HUNK: variants seen among roughly 807,000 people sequenced by gnomAD.
HUNK encodes the protein hormonally up-regulated neu tumor-associated kinase.
In HUNK, 21 loss-of-function variants were observed where a neutral mutation model predicts 61.0. The ratio of observed to expected loss-of-function variants is 0.34; its 90% CI spans 0.24 to 0.50. The LOEUF (loss-of-function observed/expected upper bound fraction) is 0.50. HUNK is among the 20% of genes least tolerant of loss of function. The pLI is 0.98. For synonymous variants in HUNK, 371 were observed against 386.1 expected (o/e 0.96, Z 0.46); for missense variants, 772 against 945.7 (o/e 0.82, Z 2.41).
chr21:31,890,234 CTTTT>C (rs535992198), intron 1 of HUNK, among the ~76,000 whole-genome samples: 1 of 146,340 alleles, frequency 6.8e-6, no homozygotes, highest in East Asian at 2.0e-4. Flanking sequence ...TTTTAGATAC[CTTTT>C]TTTTTTTTGA....
intron 1 of HUNK, among the ~76,000 whole-genome samples, chr21:31,900,326 T>C (rs556017145): frequency 6.6e-6 from 1 of 152,178 alleles, no homozygotes; most frequent in South Asian, 2.1e-4. Flanking sequence ...TCCCCGCTCT[T>C]TGTTCTGTCT....
intron 2 of HUNK, among the ~76,000 whole-genome samples, chr21:31,929,444 G>A (rs1362959628): frequency 6.6e-6 from 1 of 152,020 alleles, no homozygotes; most frequent in African/African-American, 2.4e-5. Flanking sequence ...AATATAACGA[G>A]TTGTTTTTCC....
chr21:31,965,313 AG>A (rs1390744500), intron 5 of HUNK, among the ~76,000 whole-genome samples: 1 of 150,484 alleles, frequency 6.6e-6, no homozygotes, highest in Non-Finnish European at 1.5e-5. Context: ...GGAGGGTGGA[AG>A]GAGAGAGAGG....
chr21:31,934,649 G>A (rs1221908979), intron 2 of HUNK, among the ~76,000 whole-genome samples: 2 of 151,860 alleles, frequency 1.3e-5, no homozygotes, highest in Non-Finnish European at 2.9e-5. Flanking sequence ...TTCAACCCTC[G>A]TCCTCCTCTT....
intron 8 of HUNK, among the ~76,000 whole-genome samples, chr21:31,988,253 G>T (rs1483013838): frequency 1.3e-5 from 2 of 152,130 alleles, no homozygotes; most frequent in African/African-American, 4.8e-5. Flanking sequence ...GGACTTTGGG[G>T]GTCGAGGTGG....
chr21:31,983,754 G>A, intron 8 of HUNK, 145 bp downstream of exon 8: 1 of 616,804 alleles, frequency 1.6e-6, no homozygotes, highest in South Asian at 2.1e-5. Context: ...CTTGAGAAAT[G>A]GTTTACAGCG....
At chr21:31,950,109 G>C (rs1387240556) in intron 4 of HUNK, among the ~76,000 whole-genome samples, 1 of 152,114 alleles carries the variant, frequency 6.6e-6, no homozygotes, top group Non-Finnish European at 1.5e-5. Context: ...ACTTCCTCTG[G>C]TGGGGTTTAC....
At chr21:31,938,286 C>A (rs1344460800) in intron 2 of HUNK, among the ~76,000 whole-genome samples, 1 of 152,134 alleles carries the variant, frequency 6.6e-6, no homozygotes, top group Non-Finnish European at 1.5e-5. Context: ...CTGCCCTCAC[C>A]TTCACAATCT....
intron 4 of HUNK, among the ~76,000 whole-genome samples, chr21:31,950,793 A>G (rs996879852): frequency 6.6e-6 from 1 of 152,186 alleles, no homozygotes; most frequent in Non-Finnish European, 1.5e-5. Flanking sequence ...TTGCTGGGTT[A>G]GACACTGTTA....
At chr21:31,982,892 C>G (rs1383686761) in intron 7 of HUNK, among the ~76,000 whole-genome samples, 3 of 152,192 alleles carry the variant, frequency 2.0e-5, no homozygotes, top group African/African-American at 4.8e-5. Context: ...CAGCCTCCAC[C>G]TCCCGGATTC....
intron 1 of HUNK, among the ~76,000 whole-genome samples, chr21:31,908,553 C>T (rs962375893): frequency 1.8e-4 from 28 of 151,986 alleles, no homozygotes; most frequent in Admixed American, 6.6e-5. Flanking sequence ...CGAGGAGGAA[C>T]GGTTGTGAAT....
At chr21:31,917,666 T>C (rs1426826437) in intron 1 of HUNK, among the ~76,000 whole-genome samples, 1 of 143,202 alleles carries the variant, frequency 7.0e-6, no homozygotes, top group Non-Finnish European at 1.5e-5. Flanking sequence ...CAGGCTTAGA[T>C]ACCCTCCTGA....
chr21:31,952,417 G>A (rs2052856624), intron 4 of HUNK, among the ~76,000 whole-genome samples: 1 of 152,180 alleles, frequency 6.6e-6, no homozygotes, highest in Admixed American at 6.5e-5. Flanking sequence ...CAGTTTCCGA[G>A]GCTCCTGTCC....
At chr21:31,875,398 A>G (rs942339860) in intron 1 of HUNK, among the ~76,000 whole-genome samples, 1 of 151,964 alleles carries the variant, frequency 6.6e-6, no homozygotes, top group Non-Finnish European at 1.5e-5. Context: ...CCGCTTTATT[A>G]TGGGTATGTG....
chr21:31,996,679 G>T (rs2123260367), intron 10 of HUNK, among the ~76,000 whole-genome samples: 1 of 152,328 alleles, frequency 6.6e-6, no homozygotes, highest in Non-Finnish European at 1.5e-5. Context: ...TCTTATTACT[G>T]AGGGGGATGA....
In HUNK at chr21:31,974,703, C is replaced by T. The variant is rs1234427281; in HGVS notation, c.1159C>T (p.Arg387Cys). The change falls in exon 7 of 11, where the codon CGC becomes TGC. Residue 387 changes from arginine to cysteine, a missense_variant. Around this residue, in one of 2 missense-constraint regions of HUNK, gnomAD observed 413 missense variants for 444.4 expected, o/e 0.93. Coordinates refer to ENST00000270112, the MANE Select transcript of HUNK (RefSeq NM_014586.2). ...CTTCCTCTTAAACAAGAAACTGGAG[C>T]GCTATTTGTCAGGGGTAAGTGCGAC... Reference protein sequence around the residue: ...IYFLLNKKLERYLSGKSDIQD... With the variant: ...IYFLLNKKLECYLSGKSDIQD... 6.2e-7 allele frequency: 1 copy of T among 1,613,188 alleles called. No homozygotes were observed. Among genetic ancestry groups the T allele is most frequent in the Non-Finnish European group, 8.5e-7 (1 of 1,179,624 alleles).
At chr21:31,908,229 A>C (rs1341215289) in intron 1 of HUNK, among the ~76,000 whole-genome samples, 1 of 151,728 alleles carries the variant, frequency 6.6e-6, no homozygotes, top group Non-Finnish European at 1.5e-5. Context: ...GTGGAGAGGG[A>C]GGTGTGGGTG....
chr21:31,958,666 G>T (rs994789109), intron 4 of HUNK, among the ~76,000 whole-genome samples, 177 bp from the exon 5 acceptor site: 1 of 152,096 alleles, frequency 6.6e-6, no homozygotes, highest in Non-Finnish European at 1.5e-5. Context: ...CACCATGTCC[G>T]ACCTCACCCA....
intron 1 of HUNK, among the ~76,000 whole-genome samples, chr21:31,876,084 A>G (rs1019769299): frequency 4.0e-5 from 6 of 151,712 alleles, no homozygotes; most frequent in African/African-American, 1.2e-4. Context: ...CCAGGTGCCC[A>G]CTCCCCTTCC....
Sources: gnomAD v4.1 joint callset for allele counts (sites outside exome capture counted in the v4.1 genomes callset) on GRCh38, gnomAD v4.1.1 for gene constraint, gnomAD v4.1.1 regional missense constraint, MANE v1.5 for transcripts, NCBI Gene and HGNC (gene_info 2026-07-23, HGNC 2026-07-21) for gene names.